Variants in DNAH10 observed in about 807,000 individuals in gnomAD.
DNAH10 encodes axonemal beta dynein heavy chain 10.
DNAH10 carries 348 observed loss-of-function variants against 506.6 expected under a neutral mutation model. That is an observed-to-expected ratio of 0.69 (90% CI 0.63 to 0.75). DNAH10 has a LOEUF of 0.75. DNAH10 is among the 30% of genes least tolerant of loss of function. The pLI, the probability that DNAH10 is intolerant of heterozygous loss-of-function variation, is 0.00. For missense variants in DNAH10, 5,179 were observed against 5,787.1 expected, an observed-to-expected ratio of 0.89 and a Z score of 3.41; for synonymous variants, 2,059 against 2,198.6, an observed-to-expected ratio of 0.94 and a Z score of 1.78.
chr12:123,876,725 G>A (rs1181661791), intron 47 of DNAH10, among the ~76,000 whole-genome samples: 2 of 152,230 alleles, frequency 1.3e-5, no homozygotes. Context: ...ACTTCGGGAG[G>A]CTGAGGAGAG....
intron 5 of DNAH10, among the ~76,000 whole-genome samples, chr12:123,775,540 A>C (rs1292073125): frequency 6.6e-6 from 1 of 152,236 alleles, no homozygotes; most frequent in Non-Finnish European, 1.5e-5. Context: ...AGGCCAAGGC[A>C]TCAGACATGA....
chr12:123,813,471 A>T lies in DNAH10; in HGVS notation c.3452A>T (p.Tyr1151Phe), dbSNP rs1366824980. The T allele has an allele frequency of 6.2e-7, 1 of 1,614,242 alleles. No homozygotes were observed. Among genetic ancestry groups the T allele is most frequent in the South Asian group, 1.1e-5 (1 of 91,088 alleles). The change falls in exon 20 of 79, where the codon TAT becomes TTT. Residue 1151 changes from tyrosine to phenylalanine, a missense_variant. Physicochemically the swap from Tyr to Phe is conservative, Grantham distance 22. Around this residue, in one of 3 missense-constraint regions of DNAH10, gnomAD observed 4,844 missense variants for 5,430.5 expected, o/e 0.89. Transcript: ENST00000673944. ...TTGCAGTTCTATTCCAAGATAGCTT[A>T]TGAGGTTATGCGCCACCCTCTAATT... Reference protein sequence around the residue: ...EKLQFYSKIAYEVMRHPLIKD... With the variant: ...EKLQFYSKIAFEVMRHPLIKD...
chr12:123,805,126 G>C (rs1958616354), intron 18 of DNAH10, 86 bp downstream of exon 18: 1 of 1,392,356 alleles, frequency 7.2e-7, no homozygotes, highest in Non-Finnish European at 9.8e-7. Flanking sequence ...GGGTGGCAAG[G>C]TAGAGAATGA....
At position 123,923,958 on chromosome 12, in the gene DNAH10, A is replaced by C. The variant is rs1248289229; in HGVS notation, c.11611+91A>C. On this transcript the variant is annotated intron_variant, in intron 66 of 78. Transcript: ENST00000673944. ...GTCTGTTGAAACAAACAATAACAAA[A>C]ATTCTCCTTAAAACTTGGCTTCCAA... The C allele has an allele frequency of 1.0e-4, 104 of 1,012,890 alleles. No homozygotes were observed. The East Asian group carries it at 2.7e-3, about 27-fold the overall frequency. The allele number at this position is 1,012,890 out of a possible 1,614,324, so 62.7% of individuals were successfully genotyped here. A position where few individuals can be genotyped will look rare whatever the true frequency, so the allele number is the denominator to read the frequency against.
intron 38 of DNAH10, among the ~76,000 whole-genome samples, chr12:123,859,809 G>T (rs1037338857): frequency 6.6e-6 from 1 of 152,112 alleles, no homozygotes; most frequent in Non-Finnish European, 1.5e-5. Context: ...CTGGGTGGGA[G>T]GATCCCATAG....
intron 54 of DNAH10, among the ~76,000 whole-genome samples, chr12:123,896,534 G>T (rs1386809441): frequency 6.6e-6 from 1 of 152,104 alleles, no homozygotes. Context: ...GTCATCCAGC[G>T]GTGGGTAACC....
intron 54 of DNAH10, 89 bp from the exon 55 acceptor site, chr12:123,897,681 C>T (rs372914605): frequency 2.7e-5 from 38 of 1,393,436 alleles, no homozygotes; most frequent in East Asian, 9.8e-5. Flanking sequence ...GCCATGATCA[C>T]GCCACTGCAC....
rs780098376 is a variant in DNAH10, at chr12:123,931,665, G to C, written c.12946G>C (p.Asp4316His). 3 of 1,614,044 alleles carry C rather than the reference G, an allele frequency of 1.9e-6. No homozygotes were observed. Among genetic ancestry groups the C allele is most frequent in the South Asian group, 2.2e-5 (2 of 91,086 alleles). Reference protein sequence around the residue: ...GESSSGISRDDYIGQVAKEIE... With the variant: ...GESSSGISRDHYIGQVAKEIE... ...ATCCAGCAGTGGTATCAGCCGCGAT[G>C]ATTATATTGGCCAAGTGGCCAAAGA... Residue 4316 changes from aspartate (D) to histidine (H), a missense_variant, in exon 75 of 79, where the codon GAT becomes CAT. Asp to His is a moderately conservative substitution (Grantham distance 81). Coordinates refer to ENST00000673944, the MANE Select transcript of DNAH10 (RefSeq NM_001372106.1).
intron 47 of DNAH10, among the ~76,000 whole-genome samples, chr12:123,876,918 C>T (rs915436509): frequency 1.3e-5 from 2 of 152,198 alleles, no homozygotes; most frequent in Non-Finnish European, 2.9e-5. Flanking sequence ...CCTGATCATG[C>T]CCCTGCACTC....
intron 24 of DNAH10, among the ~76,000 whole-genome samples, chr12:123,821,924 G>T (rs1041329194): frequency 2.6e-5 from 4 of 151,660 alleles, no homozygotes; most frequent in Non-Finnish European, 5.9e-5. Flanking sequence ...ACAAAAAAAA[G>T]TTCCGGGCAC....
In DNAH10 at chr12:123,893,378, T is replaced by G. The variant is rs1288180228; in HGVS notation, c.9141T>G (p.Ile3047Met). ...FVNKSANNLH[I>M]VLGMSPVGDT... is the part of the protein sequence containing the mutation. Reference sequence around the variant, plus strand: ...ACAAAAGTGCAAATAACCTGCACATTGTCCTGGGCATGTCGCCAGTGGGGG... The same window carrying G: ...ACAAAAGTGCAAATAACCTGCACATGGTCCTGGGCATGTCGCCAGTGGGGG... Residue 3047 changes from isoleucine to methionine, a missense_variant, in exon 53 of 79, where the codon ATT becomes ATG. By Grantham distance (10) the Ile-to-Met change is conservative. Coordinates refer to ENST00000673944, the MANE Select transcript of DNAH10 (RefSeq NM_001372106.1). 1.4e-5 allele frequency: 23 copies of G among 1,613,814 alleles called. No individual in the cohort carries two copies. Among genetic ancestry groups the G allele is most frequent in the Non-Finnish European group, 1.9e-5 (23 of 1,179,884 alleles).
chr12:123,905,797 G>A (rs994350094), intron 57 of DNAH10, among the ~76,000 whole-genome samples: 2 of 152,154 alleles, frequency 1.3e-5, no homozygotes, highest in African/African-American at 4.8e-5. Flanking sequence ...TCCATAAGGT[G>A]AGTTGCAAAT....
At chr12:123,899,997 C>T (rs1953445498) in intron 56 of DNAH10, among the ~76,000 whole-genome samples, 1 of 152,198 alleles carries the variant, frequency 6.6e-6, no homozygotes, top group African/African-American at 2.4e-5. Flanking sequence ...CCATCAATCC[C>T]TCTATGTCAT....
intron 51 of DNAH10, among the ~76,000 whole-genome samples, chr12:123,885,489 A>G (rs939219742): frequency 2.0e-5 from 3 of 151,802 alleles, no homozygotes; most frequent in Admixed American, 6.6e-5. Context: ...TCCCTATAGG[A>G]TCACTTTCTT....
intron 52 of DNAH10, among the ~76,000 whole-genome samples, chr12:123,890,708 G>A (rs555117691): frequency 5.3e-5 from 8 of 152,294 alleles, no homozygotes; most frequent in Middle Eastern, 3.4e-3. Context: ...AAGTGACAGC[G>A]ATTGGAGGAG....
At chr12:123,884,834 TA>T (rs1267906268) in intron 51 of DNAH10, among the ~76,000 whole-genome samples, 3 of 152,144 alleles carry the variant, frequency 2.0e-5, no homozygotes, top group Non-Finnish European at 2.9e-5. Context: ...CAGAAGCGTC[TA>T]AAAAAATAAG....
intron 16 of DNAH10, 147 bp downstream of exon 16, chr12:123,801,579 G>C: frequency 1.0e-6 from 1 of 990,158 alleles, no homozygotes; most frequent in East Asian, 2.7e-5. Flanking sequence ...GCGGAACTTA[G>C]AACTGATCTC....
Position 123,785,973 on chromosome 12 carries a change from TGTTTC to T in DNAH10, c.1421+38_1421+42del. The stretch of plus-strand genomic sequence containing the variant: ...TGGCGTTCATTTTTTTGTTTTGTTT[TGTTTC>T]ACTTTTTACTTTTTAGATCTTAAAC... On this transcript the variant is annotated intron_variant, in intron 9 of 78. Coordinates refer to ENST00000673944, the MANE Select transcript of DNAH10 (RefSeq NM_001372106.1). This position sits in a 1 kb window ranked among gnomAD's most constrained non-coding sequence, Gnocchi z 4.1. 1.3e-6 allele frequency: 2 copies of T among 1,588,184 alleles called. No homozygotes were observed. Among genetic ancestry groups the T allele is most frequent in the Non-Finnish European group, 1.7e-6 (2 of 1,162,878 alleles).
At chr12:123,793,912 A>T (rs1175551211) in intron 11 of DNAH10, 30 bp from the exon 12 acceptor site, 1 of 1,178,356 alleles carries the variant, frequency 8.5e-7, no homozygotes, top group African/African-American at 1.6e-5. Flanking sequence ...TTACAGGGGC[A>T]TGAGGGTTGT....
Sources: allele counts gnomAD v4.1 joint callset (sites outside exome capture counted in the v4.1 genomes callset), GRCh38; gene constraint gnomAD v4.1.1; regional missense constraint gnomAD v4.1.1; non-coding constraint Gnocchi (gnomAD v3.1); transcripts MANE v1.5; gene names NCBI Gene and HGNC (gene_info 2026-07-23, HGNC 2026-07-21).